The following DLGAP1 variants were observed in gnomAD, a reference collection of about 807,000 sequenced individuals.
DLGAP1 encodes DLG associated protein 1, also known as disks large-associated protein 1.
DLGAP1 carries 11 observed loss-of-function variants against 90.8 expected under a neutral mutation model. That is an observed-to-expected ratio of 0.12 (90% CI 0.08 to 0.20). DLGAP1 has a LOEUF of 0.20. DLGAP1 is among the 10% of genes least tolerant of loss of function. The pLI is 1.00. For synonymous variants in DLGAP1, 558 were observed against 540.7 expected (o/e 1.03, Z -0.44); for missense variants, 1,050 against 1,333.8 (o/e 0.79, Z 3.31).
At chr18:4,047,882 T>C (rs1469964329) in intron 2 of DLGAP1, among the ~76,000 whole-genome samples, 2 of 152,182 alleles carry the variant, frequency 1.3e-5, no homozygotes, top group African/African-American at 2.4e-5. Flanking sequence ...TGCAGTCTGG[T>C]CTTCCCAGGT....
intron 5 of DLGAP1, 35 bp from the exon 6 acceptor site, chr18:3,742,547 C>T: frequency 5.0e-6 from 8 of 1,609,190 alleles, no homozygotes; most frequent in Non-Finnish European, 6.8e-6. Flanking sequence ...GCATTAGTCA[C>T]ATTCCAAAAT....
At chr18:4,089,198 C>T (rs1358558212) in intron 2 of DLGAP1, among the ~76,000 whole-genome samples, 6 of 152,108 alleles carry the variant, frequency 3.9e-5, no homozygotes, top group Non-Finnish European at 5.9e-5. Context: ...AACTCACATT[C>T]GCAAATGCTA....
chr18:3,716,979 T>C (rs983768212), intron 7 of DLGAP1, among the ~76,000 whole-genome samples: 1 of 151,296 alleles, frequency 6.6e-6, no homozygotes, highest in Non-Finnish European at 1.5e-5. Context: ...AATTTAAAAA[T>C]TTTTTTAGAG....
intron 1 of DLGAP1, among the ~76,000 whole-genome samples, chr18:4,313,723 T>C (rs1598879183): frequency 6.6e-6 from 1 of 152,326 alleles, no homozygotes; most frequent in East Asian, 1.9e-4. Context: ...TGGTATTTAC[T>C]ATTGTAATAC....
chr18:3,758,899 T>C (rs1943169277), intron 5 of DLGAP1, among the ~76,000 whole-genome samples: 2 of 152,164 alleles, frequency 1.3e-5, no homozygotes, highest in South Asian at 4.1e-4. Context: ...TAAACATTAA[T>C]TTTCCTTCTG....
intron 7 of DLGAP1, among the ~76,000 whole-genome samples, chr18:3,700,469 C>T (rs1461314437): frequency 6.6e-6 from 1 of 152,178 alleles, no homozygotes; most frequent in Non-Finnish European, 1.5e-5. Flanking sequence ...TCTAACCAGT[C>T]CCAGTGAGAT....
chr18:3,564,671 A>G (rs1358064177), intron 9 of DLGAP1, among the ~76,000 whole-genome samples: 1 of 152,034 alleles, frequency 6.6e-6, no homozygotes, highest in African/African-American at 2.4e-5. Flanking sequence ...GTTTCCTTGG[A>G]GCTTTTAACT....
At chr18:3,977,943 T>C (rs1599256665) in intron 3 of DLGAP1, 1 of 354,916 alleles carries the variant, frequency 2.8e-6, no homozygotes, top group Non-Finnish European at 5.4e-6. Context: ...AGGAAGGCCA[T>C]GCCAGTAAGC....
intron 2 of DLGAP1, among the ~76,000 whole-genome samples, chr18:4,115,852 T>C (rs912470535): frequency 9.8e-5 from 15 of 152,360 alleles, no homozygotes; most frequent in Admixed American, 5.9e-4. Flanking sequence ...AATTTCTATA[T>C]ATTATAAACT....
chr18:3,567,495 C>A lies in DLGAP1; in HGVS notation c.2052G>T (p.Glu684Asp), dbSNP rs1252647064. 1.2e-6 allele frequency: 2 copies of A among 1,613,752 alleles called. No individual in the cohort carries two copies. The highest frequency in any genetic ancestry group is 1.7e-6 in the Non-Finnish European group (2 of 1,179,780). ...ATGCGTGCATGTGGACTTACCACTT[C>A]TCTTCTTCTACTTGCACTCCCACGG... ...FQSVGVQVEE[E>D]KCFRRFTRSN... The change falls in exon 9 of 13, where the codon GAG becomes GAT. Residue 684 changes from glutamate to aspartate, a missense_variant. Glu to Asp is a conservative substitution (Grantham distance 45). Transcript: ENST00000315677.
At chr18:4,405,099 A>G (rs539425707) in intron 1 of DLGAP1, among the ~76,000 whole-genome samples, 1 of 152,236 alleles carries the variant, frequency 6.6e-6, no homozygotes, top group South Asian at 2.1e-4. Flanking sequence ...ATTCACATTC[A>G]TAAGTGAGGT....
At chr18:3,703,859 C>A (rs1300277177) in intron 7 of DLGAP1, among the ~76,000 whole-genome samples, 1 of 152,160 alleles carries the variant, frequency 6.6e-6, no homozygotes, top group Non-Finnish European at 1.5e-5. Context: ...ACGGTTTTTG[C>A]GAAGAGAATT....
chr18:3,716,825 T>C (rs1008051887), intron 7 of DLGAP1, among the ~76,000 whole-genome samples: 2 of 152,050 alleles, frequency 1.3e-5, no homozygotes, highest in Non-Finnish European at 1.5e-5. Flanking sequence ...CATATTATTA[T>C]AAACTTTTTT....
intron 1 of DLGAP1, among the ~76,000 whole-genome samples, chr18:4,371,362 T>C (rs925420857): frequency 2.0e-5 from 3 of 152,256 alleles, no homozygotes; most frequent in African/African-American, 7.2e-5. Context: ...CTGCATGGCA[T>C]TGAGAAATCT....
chr18:3,583,184 A>ACCTTCCTTCCTTCCTTCCTT (rs1194711711), intron 7 of DLGAP1, among the ~76,000 whole-genome samples: 28 of 127,794 alleles, frequency 2.2e-4, no homozygotes, highest in African/African-American at 5.7e-4. Flanking sequence ...CTACCTACCT[A>ACCTTCCTTCCTTCCTTCCTT]CCTTCCTTCC....
At position 4,020,464 on chromosome 18, in the gene DLGAP1, A is replaced by C. The variant is rs532075799; in HGVS notation, c.-158-15263T>G. On this transcript the variant is annotated intron_variant, in intron 2 of 12. Transcript: ENST00000315677. Reference sequence around the variant, plus strand: ...GGGCTGGGGAGGAGGACCTCATATAAATTAGGACTTGATGTAGTTTGGATA... The same window carrying C: ...GGGCTGGGGAGGAGGACCTCATATACATTAGGACTTGATGTAGTTTGGATA... 9.8e-5 allele frequency among the ~76,000 whole-genome samples: 15 copies of C among 152,320 alleles called. 1 individual carries two copies. The South Asian group carries it at 3.1e-3, about 32-fold the overall frequency.
At chr18:4,038,173 T>C (rs2074919820) in intron 2 of DLGAP1, among the ~76,000 whole-genome samples, 1 of 152,236 alleles carries the variant, frequency 6.6e-6, no homozygotes, top group South Asian at 2.1e-4. Flanking sequence ...GAATCAGTCC[T>C]ATATTAAGGC....
At chr18:3,772,346 C>CTCTTTCTTTCTTTCTT (rs869167707) in intron 5 of DLGAP1, among the ~76,000 whole-genome samples, 3 of 14,216 alleles carry the variant, frequency 2.1e-4, no homozygotes, top group Non-Finnish European at 4.5e-4. Flanking sequence ...CTCTCTCTCT[C>CTCTTTCTTTCTTTCTT]TCTTTCTTTC....
At chr18:3,886,367 A>T (rs1340139875) in intron 3 of DLGAP1, among the ~76,000 whole-genome samples, 2 of 152,220 alleles carry the variant, frequency 1.3e-5, no homozygotes, top group East Asian at 3.8e-4. Flanking sequence ...TAATAATCAC[A>T]TCAAGGTAAA....
Sources: gnomAD v4.1 joint callset for allele counts (sites outside exome capture counted in the v4.1 genomes callset) on GRCh38, gnomAD v4.1.1 for gene constraint, MANE v1.5 for transcripts, NCBI Gene and HGNC (gene_info 2026-07-23, HGNC 2026-07-21) for gene names.